Variants in REG1A observed in about 807,000 individuals in gnomAD.
The protein encoded by REG1A is lithostathine-1-alpha.
Under a neutral mutation model 20.7 loss-of-function variants are expected in REG1A, and 20 were observed. That is an observed-to-expected ratio of 0.97 (90% CI 0.68 to 1.41). The LOEUF (loss-of-function observed/expected upper bound fraction) is 1.41. Among genes scored for constraint, REG1A ranks in the 40% most tolerant of loss-of-function variants. REG1A has a pLI of 0.00. For synonymous variants in REG1A, 90 were observed against 71.6 expected (o/e 1.26, Z -1.30); for missense variants, 193 against 201.8 (o/e 0.96, Z 0.26).
rs908883626 is a variant in REG1A, at chr2:79,121,643, A to G, written c.146A>G (p.Tyr49Cys). The G allele has an allele frequency of 4.8e-5, 78 of 1,613,890 alleles. No individual in the cohort carries two copies. The highest frequency in any genetic ancestry group is 6.5e-5 in the Non-Finnish European group (77 of 1,179,992). ...AATGCCTATCGCTCCTACTGCTACT[A>G]CTTTAATGAAGACCGTGAGACCTGG... ...GTNAYRSYCY[Y>C]FNEDRETWVD... The change falls in exon 3 of 6, where the codon TAC (tyrosine) becomes TGC (cysteine). Residue 49 changes from tyrosine (Y) to cysteine (C), a missense_variant. Tyr to Cys is a radical substitution (Grantham distance 194). Coordinates refer to ENST00000233735, the MANE Select transcript of REG1A (RefSeq NM_002909.5).
chr2:79,122,923 G>T lies in REG1A; in HGVS notation c.404G>T (p.Gly135Val). 6.2e-7 allele frequency: 1 copy of T among 1,614,056 alleles called. No individual in the cohort carries two copies. The highest frequency in any genetic ancestry group is 8.5e-7 in the Non-Finnish European group (1 of 1,179,984). Reference sequence around the variant, plus strand: ...GGAGCCCCAAGCAGTGTTAATCCTGGCTACTGTGTGAGCCTGACCTCAAGC... The same window carrying T: ...GGAGCCCCAAGCAGTGTTAATCCTGTCTACTGTGTGAGCCTGACCTCAAGC... ...GIGAPSSVNP[G>V]YCVSLTSSTG... The change falls in exon 5 of 6, where the codon GGC becomes GTC. Residue 135 changes from glycine (G) to valine (V), a missense_variant. Gly to Val is a moderately radical substitution (Grantham distance 109, BLOSUM62 -3). Transcript: ENST00000233735.
intron 2 of REG1A, 150 bp downstream of exon 2, chr2:79,121,075 C>G (rs564828244): frequency 2.1e-5 from 13 of 620,792 alleles, no homozygotes; most frequent in Non-Finnish European, 3.7e-5. Flanking sequence ...TTGCTGATCT[C>G]TTCACATTTA....
In REG1A at chr2:79,123,013, A is replaced by G; in HGVS notation, c.433+61A>G. 4 of 1,506,454 alleles carry G rather than the reference A, an allele frequency of 2.7e-6. No individual in the cohort carries two copies. In the Admixed American group the frequency reaches 6.7e-5, roughly 25 times the overall value. The allele number at this position is 1,506,454 out of a possible 1,614,324, so 93.3% of individuals were successfully genotyped here. On this transcript the variant is annotated intron_variant, in intron 5 of 5. Transcript: ENST00000233735. ...CTCTCCTGCTTAGCTCCAGGGATGG[A>G]ACTGGGACTGGGATAGAGGAAAGGT...
At chr2:79,120,711 A>G in intron 1 of REG1A, 105 bp from the exon 2 acceptor site, 1 of 497,542 alleles carries the variant, frequency 2.0e-6, no homozygotes, top group Non-Finnish European at 3.5e-6. Context: ...TGGGTGTCTC[A>G]GAGGACCTTC....
At chr2:79,122,773 A>G in intron 4 of REG1A, 68 bp from the exon 5 acceptor site, 3 of 1,033,380 alleles carry the variant, frequency 2.9e-6, no homozygotes, top group Non-Finnish European at 4.6e-6. Flanking sequence ...CTGAGTGTGC[A>G]CACAGGCCCA....
At chr2:79,120,771 T>C (rs1672870843) in intron 1 of REG1A, 45 bp from the exon 2 acceptor site, 6 of 1,021,808 alleles carry the variant, frequency 5.9e-6, no homozygotes, top group Non-Finnish European at 8.4e-6. Context: ...AATAGGTGCT[T>C]TGCTCTCCAT....
intron 4 of REG1A, 74 bp downstream of exon 4, chr2:79,122,199 T>G (rs766721924): frequency 1.3e-6 from 2 of 1,497,154 alleles, no homozygotes; most frequent in Non-Finnish European, 1.8e-6. Flanking sequence ...TCTGGTCTCT[T>G]AAGTACCAGC....
intron 4 of REG1A, among the ~76,000 whole-genome samples, chr2:79,122,624 T>C (rs1472010299): frequency 6.6e-6 from 1 of 152,164 alleles, no homozygotes; most frequent in Non-Finnish European, 1.5e-5. Flanking sequence ...TTTGGGTCTC[T>C]GTCAAATTCA....
At chr2:79,123,113 G>A in intron 5 of REG1A, 35 bp from the exon 6 acceptor site, 5 of 1,564,016 alleles carry the variant, frequency 3.2e-6, no homozygotes, top group Non-Finnish European at 4.4e-6. Context: ...ACTCTTTCGG[G>A]TCTCCCAGTT....
At position 79,122,936 on chromosome 2, in the gene REG1A, C is replaced by G; in HGVS notation, c.417C>G (p.Ser139Arg). Residue 139 changes from serine (S) to arginine (R), a missense_variant, in exon 5 of 6, where the codon AGC becomes AGG. Ser to Arg is a moderately radical substitution (Grantham distance 110). Coordinates refer to ENST00000233735, the MANE Select transcript of REG1A (RefSeq NM_002909.5). ...PSSVNPGYCV[S>R]LTSSTGFQKW... is the part of the protein sequence containing the mutation. ...GTGTTAATCCTGGCTACTGTGTGAG[C>G]CTGACCTCAAGCACAGGTGAGAGGC... is the stretch of plus-strand genomic sequence containing the variant. 6.2e-7 allele frequency: 1 copy of G among 1,613,820 alleles called. No individual in the cohort carries two copies. The highest frequency in any genetic ancestry group is 8.5e-7 in the Non-Finnish European group (1 of 1,179,796).
chr2:79,120,841 A>G lies in REG1A; in HGVS notation c.-21A>G, dbSNP rs1285870240. 3.1e-6 allele frequency: 5 copies of G among 1,589,004 alleles called. No homozygotes were observed. The highest frequency in any genetic ancestry group is 4.3e-6 in the Non-Finnish European group (5 of 1,163,016). Reference sequence around the variant, plus strand: ...AGATTGTTGATTTGCCTCTTAAGCAAGAGATTCATTGCAGCTCAGCATGGC... The same window carrying G: ...AGATTGTTGATTTGCCTCTTAAGCAGGAGATTCATTGCAGCTCAGCATGGC... On this transcript the variant is annotated 5_prime_UTR_variant, in exon 2 of 6. Coordinates refer to ENST00000233735, the MANE Select transcript of REG1A (RefSeq NM_002909.5).
In REG1A at chr2:79,120,856, C is replaced by T; in HGVS notation, c.-6C>T. On this transcript the variant is annotated 5_prime_UTR_variant, in exon 2 of 6. Coordinates refer to ENST00000233735, the MANE Select transcript of REG1A (RefSeq NM_002909.5). ...CTCTTAAGCAAGAGATTCATTGCAG[C>T]TCAGCATGGCTCAGACCAGCTCATA... is the stretch of plus-strand genomic sequence containing the variant. 2 of 1,605,308 alleles carry T rather than the reference C, an allele frequency of 1.2e-6. No individual in the cohort carries two copies. The highest frequency in any genetic ancestry group is 1.7e-6 in the Non-Finnish European group (2 of 1,174,292).
Position 79,123,262 on chromosome 2 carries a change from G to A in REG1A, c.*47G>A, listed in dbSNP as rs760515561. 13 of 1,283,620 alleles carry A rather than the reference G, an allele frequency of 1.0e-5. No individual in the cohort carries two copies. The highest frequency in any genetic ancestry group is 5.9e-5 in the African/African-American group (4 of 67,678). 79.5% of individuals were successfully genotyped at this position (1,283,620 alleles called of 1,614,324 possible). ...CTAGAACTGATCCAGCAATTACAAC[G>A]GAGTCAAAAATTAAACCGGACCATC... On this transcript the variant is annotated 3_prime_UTR_variant, in exon 6 of 6. Transcript: ENST00000233735.
At chr2:79,123,097 G>A in intron 5 of REG1A, 51 bp from the exon 6 acceptor site, 1 of 1,506,326 alleles carries the variant, frequency 6.6e-7, no homozygotes, top group Non-Finnish European at 9.2e-7. Flanking sequence ...AAGCCAGGAG[G>A]GTCATACTCT....
intron 5 of REG1A, 90 bp from the exon 6 acceptor site, chr2:79,123,058 T>A: frequency 6.9e-7 from 1 of 1,443,468 alleles, no homozygotes; most frequent in Non-Finnish European, 9.7e-7. Flanking sequence ...ATTAAGGAAA[T>A]GGATGTTTGG....
intron 3 of REG1A, 75 bp from the exon 4 acceptor site, chr2:79,121,913 C>T (rs548686997): frequency 6.3e-7 from 1 of 1,575,644 alleles, no homozygotes; most frequent in Admixed American, 1.7e-5. Flanking sequence ...TTTTTCTGAC[C>T]CGTCCTCTTG....
chr2:79,121,786 T>C (rs938193118), intron 3 of REG1A, 106 bp downstream of exon 3: 1 of 1,331,294 alleles, frequency 7.5e-7, no homozygotes, highest in Non-Finnish European at 1.1e-6. Context: ...AACCCCTTGC[T>C]ATACTATCAT....
At chr2:79,121,043 T>A (rs1219980702) in intron 2 of REG1A, 118 bp downstream of exon 2, 2 of 772,766 alleles carry the variant, frequency 2.6e-6, no homozygotes, top group Non-Finnish European at 2.1e-6. Flanking sequence ...AAGGGTTGTT[T>A]TGTGGTGTTT....
Position 79,122,121 on chromosome 2 carries a change from A to G in REG1A, c.317A>G (p.Lys106Arg), listed in dbSNP as rs1202275948. ...GTCTGGATTGGCCTCCATGACCCCAAAAAGGTAGGCTGCAGCCTTCTTTAT... is the reference window on the plus strand; with the variant it reads ...GTCTGGATTGGCCTCCATGACCCCAGAAAGGTAGGCTGCAGCCTTCTTTAT... ...FNVWIGLHDP[K>R]KNRRWHWSSG... Residue 106 changes from lysine (K) to arginine (R), a missense_variant, in exon 4 of 6, where the codon AAA (lysine) becomes AGA (arginine). By Grantham distance (26) the Lys-to-Arg change is conservative (BLOSUM62 2). Coordinates refer to ENST00000233735, the MANE Select transcript of REG1A (RefSeq NM_002909.5). 7.4e-6 allele frequency: 12 copies of G among 1,613,902 alleles called. No individual in the cohort carries two copies. Among genetic ancestry groups the G allele is most frequent in the African/African-American group, 1.3e-5 (1 of 75,008 alleles).
Sources: allele counts gnomAD v4.1 joint callset (sites outside exome capture counted in the v4.1 genomes callset), GRCh38; gene constraint gnomAD v4.1.1; transcripts MANE v1.5; gene names NCBI Gene and HGNC (gene_info 2026-07-23, HGNC 2026-07-21).